CHSY3: variants seen among roughly 807,000 people sequenced by gnomAD.
CHSY3 encodes chondroitin sulfate synthase 3, also known as N-acetylgalactosaminyl-proteoglycan 3-beta-glucuronosyltransferase 3.
A neutral mutation model predicts 67.2 loss-of-function variants in CHSY3; 35 were observed. The ratio of observed to expected loss-of-function variants is 0.52; its 90% CI spans 0.40 to 0.69. CHSY3 has a LOEUF of 0.69. CHSY3 is among the 30% of genes least tolerant of loss of function. The pLI, the probability that CHSY3 is intolerant of heterozygous loss-of-function variation, is 0.00. For missense variants in CHSY3, 1,069 were observed against 1,138.5 expected, an observed-to-expected ratio of 0.94 and a Z score of 0.88; for synonymous variants, 474 against 434.7, an observed-to-expected ratio of 1.09 and a Z score of -1.12.
chr5:130,120,602 TTAC>T (rs1767982572), intron 2 of CHSY3, among the ~76,000 whole-genome samples: 3 of 152,244 alleles, frequency 2.0e-5, no homozygotes, highest in South Asian at 2.1e-4. Context: ...CAACTACCAC[TTAC>T]TGGTTGTATG....
chr5:129,961,144 A>C (rs1762317466), intron 2 of CHSY3, among the ~76,000 whole-genome samples: 1 of 152,052 alleles, frequency 6.6e-6, no homozygotes, highest in East Asian at 1.9e-4. Context: ...ACACACCAAA[A>C]GGGGTAATTG....
chr5:129,938,094 C>T lies in CHSY3; in HGVS notation c.1086+29734C>T, dbSNP rs116674696. ...GCCTCAACTCTTGCCCTCTGTGCAC[C>T]CAGAGGCTTAACACCATGTGGAAGC... is the stretch of plus-strand genomic sequence containing the variant. On this transcript the variant is annotated intron_variant, in intron 2 of 2. Coordinates refer to ENST00000305031, the MANE Select transcript of CHSY3 (RefSeq NM_175856.5). Among the ~76,000 whole-genome samples, 581 of 152,292 alleles carry T rather than the reference C, an allele frequency of 3.8e-3. 8 individuals carry two copies. The highest frequency in any genetic ancestry group is 0.013 in the African/African-American group (546 of 41,568).
At chr5:130,166,649 C>T (rs747878440) in intron 2 of CHSY3, among the ~76,000 whole-genome samples, 1 of 152,030 alleles carries the variant, frequency 6.6e-6, no homozygotes, top group Non-Finnish European at 1.5e-5. Flanking sequence ...TGTGCCCATG[C>T]AGAAGTCCAC....
chr5:130,078,454 C>T (rs10067126), intron 2 of CHSY3, among the ~76,000 whole-genome samples: 14,139 of 151,976 alleles, frequency 0.093, 765 homozygotes, highest in African/African-American at 0.14. Context: ...AATATGATCA[C>T]TCTAGGATTA....
At chr5:130,059,666 C>T (rs565266888) in intron 2 of CHSY3, among the ~76,000 whole-genome samples, 172 of 152,168 alleles carry the variant, frequency 1.1e-3, no homozygotes, top group African/African-American at 3.9e-3. Flanking sequence ...GAATAAATAT[C>T]TTTGGGGTGG....
intron 2 of CHSY3, among the ~76,000 whole-genome samples, chr5:129,937,771 C>T (rs1417500768): frequency 6.6e-6 from 1 of 152,174 alleles, no homozygotes; most frequent in Non-Finnish European, 1.5e-5. Flanking sequence ...CCCAGCAGGG[C>T]AGTTATTAAA....
In CHSY3 at chr5:129,905,434, G is replaced by C. The variant is rs750065258; in HGVS notation, c.605G>C (p.Arg202Pro). The part of the protein sequence containing the change: ...QRTWARFIPG[R>P]VEFFSSQQPP... Reference sequence around the variant, plus strand: ...ACCTGGGCGCGTTTCATCCCGGGCCGCGTGGAGTTCTTTTCCAGCCAGCAG... The same window carrying C: ...ACCTGGGCGCGTTTCATCCCGGGCCCCGTGGAGTTCTTTTCCAGCCAGCAG... Residue 202 changes from arginine (R) to proline (P), a missense_variant, in exon 1 of 3, where the codon CGC becomes CCC. By Grantham distance (103) the Arg-to-Pro change is moderately radical (BLOSUM62 -2). This residue lies in a region of CHSY3 where 216 missense variants were observed against 311.5 expected (regional missense o/e 0.69). Coordinates refer to ENST00000305031, the MANE Select transcript of CHSY3 (RefSeq NM_175856.5). 6.2e-7 allele frequency: 1 copy of C among 1,611,468 alleles called. No individual in the cohort carries two copies. The highest frequency in any genetic ancestry group is 1.3e-5 in the African/African-American group (1 of 75,032).
At chr5:129,929,334 T>A (rs1761222770) in intron 2 of CHSY3, among the ~76,000 whole-genome samples, 2 of 152,234 alleles carry the variant, frequency 1.3e-5, no homozygotes, top group African/African-American at 4.8e-5. Flanking sequence ...AATAAAGTTT[T>A]CATTTTCGGT....
At chr5:130,077,839 A>G (rs562726767) in intron 2 of CHSY3, among the ~76,000 whole-genome samples, 1 of 152,026 alleles carries the variant, frequency 6.6e-6, no homozygotes, top group African/African-American at 2.4e-5. Flanking sequence ...ACATACATTT[A>G]TATATATTCT....
chr5:130,170,698 A>G (rs372641355), intron 2 of CHSY3, among the ~76,000 whole-genome samples: 131 of 152,272 alleles, frequency 8.6e-4, no homozygotes, highest in African/African-American at 2.9e-3. Context: ...GTAAGATGAT[A>G]TCTCATTGTA....
chr5:129,905,600 C>T lies in CHSY3; in HGVS notation c.771C>T (p.Phe257=). The T allele has an allele frequency of 6.2e-7, 1 of 1,613,756 alleles. No homozygotes were observed. Among genetic ancestry groups the T allele is most frequent in the Non-Finnish European group, 8.5e-7 (1 of 1,180,012 alleles). ...HDHYLDKYEW[F]MRADDDVYIK... Reference sequence around the variant, plus strand: ...ACTACCTGGACAAGTATGAGTGGTTCATGCGCGCCGACGACGATGTCTACA... The same window carrying T: ...ACTACCTGGACAAGTATGAGTGGTTTATGCGCGCCGACGACGATGTCTACA... Residue 257 remains phenylalanine, a synonymous_variant, in exon 1 of 3, where the codon TTC becomes TTT. Coordinates refer to ENST00000305031, the MANE Select transcript of CHSY3 (RefSeq NM_175856.5).
intron 2 of CHSY3, among the ~76,000 whole-genome samples, chr5:130,092,202 G>A (rs1044963140): frequency 3.3e-5 from 5 of 152,078 alleles, no homozygotes; most frequent in African/African-American, 9.7e-5. Flanking sequence ...AAAAACACTG[G>A]GTCTGCTCTA....
chr5:130,164,069 C>T (rs1580793003), intron 2 of CHSY3, among the ~76,000 whole-genome samples: 1 of 152,160 alleles, frequency 6.6e-6, no homozygotes, highest in South Asian at 2.1e-4. Flanking sequence ...TAAAGCAGAA[C>T]TGCCGTGATT....
intron 2 of CHSY3, among the ~76,000 whole-genome samples, chr5:130,004,263 C>T (rs752908534): frequency 6.6e-6 from 1 of 152,158 alleles, no homozygotes; most frequent in Non-Finnish European, 1.5e-5. Context: ...CTTTTCTTAA[C>T]TGAACCACGC....
intron 2 of CHSY3, among the ~76,000 whole-genome samples, chr5:130,069,498 T>G (rs1035783570): frequency 1.3e-5 from 2 of 151,934 alleles, no homozygotes; most frequent in African/African-American, 4.8e-5. Context: ...TTAAAATATA[T>G]ATATTTTTAA....
intron 2 of CHSY3, among the ~76,000 whole-genome samples, chr5:129,992,894 A>C (rs369444658): frequency 1.3e-5 from 2 of 152,174 alleles, no homozygotes; most frequent in East Asian, 3.8e-4. Context: ...TTTTGATTGA[A>C]ATTCTCACAC....
chr5:129,934,051 TTTTAGA>T (rs1761409690), intron 2 of CHSY3, among the ~76,000 whole-genome samples: 1 of 152,104 alleles, frequency 6.6e-6, no homozygotes, highest in Admixed American at 6.6e-5. Flanking sequence ...CTAGAGATGA[TTTTAGA>T]TTTGTGTGAA....
chr5:130,076,268 A>G (rs1169934702), intron 2 of CHSY3, among the ~76,000 whole-genome samples: 10 of 151,060 alleles, frequency 6.6e-5, no homozygotes, highest in Non-Finnish European at 1.2e-4. Context: ...CCTTCACTTC[A>G]GGACACCCTG....
At chr5:130,096,545 A>G (rs1767054265) in intron 2 of CHSY3, among the ~76,000 whole-genome samples, 1 of 152,228 alleles carries the variant, frequency 6.6e-6, no homozygotes, top group African/African-American at 2.4e-5. Context: ...ACAGAGGGGA[A>G]GCTGTGAAGG....
Sources: allele counts gnomAD v4.1 joint callset (sites outside exome capture counted in the v4.1 genomes callset), GRCh38; gene constraint gnomAD v4.1.1; regional missense constraint gnomAD v4.1.1; transcripts MANE v1.5; gene names NCBI Gene and HGNC (gene_info 2026-07-23, HGNC 2026-07-21).